RSU1: variants seen among roughly 807,000 people sequenced by gnomAD.
RSU1 encodes the protein rsu-1.
Under a neutral mutation model 31.1 loss-of-function variants are expected in RSU1, and 26 were observed. That is an observed-to-expected ratio of 0.84 (90% CI 0.61 to 1.16). RSU1 has a LOEUF of 1.16. Ranked by LOEUF, RSU1 falls within the 50% of genes most tolerant of loss-of-function variation. The pLI is 0.00. For synonymous variants in RSU1, 164 were observed against 136.3 expected (o/e 1.20, Z -1.41); for missense variants, 320 against 339.1 (o/e 0.94, Z 0.44).
intron 7 of RSU1, among the ~76,000 whole-genome samples, chr10:16,705,482 T>C (rs1269585098): frequency 6.6e-6 from 1 of 152,164 alleles, no homozygotes; most frequent in Non-Finnish European, 1.5e-5. Context: ...TTGTTTTTTT[T>C]CCCCATGCAT....
Position 16,652,392 on chromosome 10 carries a change from C to CAAAAAAAAAAAA in RSU1, c.731+42619_731+42630dup, listed in dbSNP as rs71505091. On this transcript the variant is annotated intron_variant, in intron 8 of 8. Coordinates refer to ENST00000345264, the MANE Select transcript of RSU1 (RefSeq NM_012425.4). ...AAGAGATGATTCACCTGCCCCAAAGCAAAAAAAAAAAAAAAAAAAACCCGA... is the reference window on the plus strand; with the variant it reads ...AAGAGATGATTCACCTGCCCCAAAGCAAAAAAAAAAAAAAAAAAAAAAAAAAAAAAAACCCGA... 2.2e-5 allele frequency among the ~76,000 whole-genome samples: 2 copies of CAAAAAAAAAAAA among 89,158 alleles called. 1 individual carries two copies. Among genetic ancestry groups the CAAAAAAAAAAAA allele is most frequent in the Non-Finnish European group, 4.4e-5 (2 of 45,300 alleles). 58.5% of individuals were successfully genotyped at this position (89,158 alleles called of 152,430 possible).
intron 8 of RSU1, among the ~76,000 whole-genome samples, chr10:16,644,715 T>C (rs1350417092): frequency 1.3e-5 from 2 of 152,176 alleles, no homozygotes; most frequent in Admixed American, 6.5e-5. Context: ...GGAATATTTA[T>C]GGTGAACAGG....
intron 2 of RSU1, among the ~76,000 whole-genome samples, chr10:16,803,890 A>C (rs538512105): frequency 6.6e-6 from 1 of 152,342 alleles, no homozygotes; most frequent in African/African-American, 2.4e-5. Flanking sequence ...AGATATAACA[A>C]AGGAGAAAAA....
At chr10:16,813,001 A>G (rs1588553554) in intron 2 of RSU1, among the ~76,000 whole-genome samples, 1 of 149,732 alleles carries the variant, frequency 6.7e-6, no homozygotes, top group East Asian at 2.0e-4. Flanking sequence ...TTTTTTTTTA[A>G]GAGACAAGGT....
intron 8 of RSU1, among the ~76,000 whole-genome samples, chr10:16,673,524 A>G (rs1319834057): frequency 1.3e-5 from 2 of 152,218 alleles, no homozygotes; most frequent in African/African-American, 2.4e-5. Context: ...CTGTGAGAAA[A>G]TTTAAGCTCA....
chr10:16,703,877 C>G (rs1835843451), intron 7 of RSU1, among the ~76,000 whole-genome samples: 2 of 152,308 alleles, frequency 1.3e-5, no homozygotes, highest in South Asian at 4.2e-4. Context: ...CTACCCTTTT[C>G]TGTTTCCCAG....
At chr10:16,627,004 C>T (rs184449804) in intron 8 of RSU1, among the ~76,000 whole-genome samples, 23 of 152,236 alleles carry the variant, frequency 1.5e-4, no homozygotes, top group Admixed American at 1.1e-3. Flanking sequence ...ATTTTCTGGC[C>T]AGTAAGAATG....
chr10:16,684,629 T>A (rs116564666), intron 8 of RSU1, among the ~76,000 whole-genome samples: 3,904 of 152,106 alleles, frequency 0.026, 177 homozygotes, highest in African/African-American at 0.09. Context: ...CTAACTGCCC[T>A]CAGAAAAAAC....
intron 8 of RSU1, among the ~76,000 whole-genome samples, chr10:16,636,798 T>C (rs1442113417): frequency 1.3e-5 from 2 of 152,274 alleles, no homozygotes; most frequent in Admixed American, 1.3e-4. Context: ...GCACATCCTT[T>C]AGGTCTCTGA....
intron 2 of RSU1, among the ~76,000 whole-genome samples, chr10:16,809,999 G>T (rs542081165): frequency 2.0e-5 from 3 of 149,788 alleles, no homozygotes; most frequent in Non-Finnish European, 3.0e-5. Context: ...GGGTGGGGGG[G>T]GGAGGTGAAT....
At chr10:16,750,610 C>A (rs1836958251) in intron 7 of RSU1, among the ~76,000 whole-genome samples, 1 of 152,062 alleles carries the variant, frequency 6.6e-6, no homozygotes, top group Admixed American at 6.6e-5. Flanking sequence ...TGCCTCACTG[C>A]TTGAAAAATG....
intron 3 of RSU1, among the ~76,000 whole-genome samples, chr10:16,764,955 T>G (rs78418018): frequency 0.049 from 7,394 of 151,324 alleles, 244 homozygotes; most frequent in East Asian, 0.18. Flanking sequence ...ATTAGCTAAG[T>G]GCTTGGCACA....
At chr10:16,769,731 A>T (rs1837384607) in intron 3 of RSU1, among the ~76,000 whole-genome samples, 1 of 152,210 alleles carries the variant, frequency 6.6e-6, no homozygotes, top group African/African-American at 2.4e-5. Flanking sequence ...TCAATCCAAC[A>T]CATATGTCCC....
chr10:16,706,579 A>T (rs1327337911), intron 7 of RSU1, among the ~76,000 whole-genome samples: 7 of 152,170 alleles, frequency 4.6e-5, no homozygotes, highest in Middle Eastern at 3.2e-3. Context: ...TAATTTTAGA[A>T]AATTTTAGAA....
intron 4 of RSU1, among the ~76,000 whole-genome samples, chr10:16,763,662 C>G (rs1435452472): frequency 3.3e-5 from 5 of 152,144 alleles, no homozygotes; most frequent in African/African-American, 1.2e-4. Flanking sequence ...GACCCAGAAC[C>G]ATCTTCCCAG....
intron 8 of RSU1, among the ~76,000 whole-genome samples, chr10:16,678,318 T>G (rs1416359405): frequency 6.6e-6 from 1 of 152,240 alleles, no homozygotes; most frequent in African/African-American, 2.4e-5. Context: ...GAAAGCCTAA[T>G]GTTATCTGAC....
At chr10:16,744,514 A>G (rs1836811093) in intron 7 of RSU1, among the ~76,000 whole-genome samples, 1 of 152,250 alleles carries the variant, frequency 6.6e-6, no homozygotes, top group African/African-American at 2.4e-5. Flanking sequence ...AGATCTTAAT[A>G]TGGATAAAGA....
intron 8 of RSU1, among the ~76,000 whole-genome samples, chr10:16,610,004 T>A (rs1833867144): frequency 6.6e-6 from 1 of 152,218 alleles, no homozygotes; most frequent in Non-Finnish European, 1.5e-5. Flanking sequence ...AAAGACTGGA[T>A]GGAATTAATT....
At chr10:16,790,649 C>T (rs1564359360) in intron 2 of RSU1, among the ~76,000 whole-genome samples, 1 of 152,104 alleles carries the variant, frequency 6.6e-6, no homozygotes. Flanking sequence ...TGTGTCCCCT[C>T]CTAAATTTCA....
Sources: gnomAD v4.1 joint callset for allele counts (sites outside exome capture counted in the v4.1 genomes callset) on GRCh38, gnomAD v4.1.1 for gene constraint, MANE v1.5 for transcripts, NCBI Gene and HGNC (gene_info 2026-07-23, HGNC 2026-07-21) for gene names.